The following CEP89 variants were observed in gnomAD, a reference collection of about 807,000 sequenced individuals.
CEP89 encodes the protein centrosomal protein of 89 kDa.
Under a neutral mutation model 97.6 loss-of-function variants are expected in CEP89, and 95 were observed. That is an observed-to-expected ratio of 0.97 (90% CI 0.82 to 1.15). The LOEUF is 1.15. CEP89 is among the 50% of genes most tolerant of loss of function. The pLI, the probability that CEP89 is intolerant of heterozygous loss-of-function variation, is 0.00. For synonymous variants in CEP89, 354 were observed against 349.1 expected (o/e 1.01, Z -0.16); for missense variants, 869 against 947.7 (o/e 0.92, Z 1.09).
intron 17 of CEP89, among the ~76,000 whole-genome samples, chr19:32,882,737 C>G (rs1969310210): frequency 6.6e-6 from 1 of 152,202 alleles, no homozygotes. Flanking sequence ...ATTGAAGAAT[C>G]CAACAAGGGC....
chr19:32,942,849 CTTTTT>C (rs757161677), intron 5 of CEP89, among the ~76,000 whole-genome samples: 5 of 136,364 alleles, frequency 3.7e-5, no homozygotes, highest in African/African-American at 5.4e-5. Flanking sequence ...CTATTCCAGT[CTTTTT>C]TTTTTTTTTT....
chr19:32,954,878 T>C (rs965700030), intron 3 of CEP89, among the ~76,000 whole-genome samples: 1 of 150,950 alleles, frequency 6.6e-6, no homozygotes, highest in Admixed American at 6.6e-5. Context: ...TTGGCCAGGA[T>C]GGTCTCAAAC....
intron 16 of CEP89, among the ~76,000 whole-genome samples, chr19:32,888,716 T>C (rs1255705581): frequency 3.3e-5 from 5 of 152,112 alleles, no homozygotes; most frequent in East Asian, 1.9e-4. Flanking sequence ...CCTAAGACTA[T>C]TGTGTCTCCC....
At chr19:32,889,271 G>C (rs73926181) in intron 16 of CEP89, among the ~76,000 whole-genome samples, 12,370 of 152,188 alleles carry the variant, frequency 0.081, 1,576 homozygotes, top group African/African-American at 0.27. Flanking sequence ...CCTGGCTACA[G>C]AGGACCAAGA....
At position 32,942,124 on chromosome 19, in the gene CEP89, G is replaced by A. The variant is rs528963215; in HGVS notation, c.596-2239C>T. Among the ~76,000 whole-genome samples the A allele has an allele frequency of 7.9e-5, 12 of 152,330 alleles. No homozygotes were observed. The East Asian group carries it at 2.3e-3, about 29-fold the overall frequency. ...TGGTCGGGCACACTGGCACATGCCT[G>A]TAACCCCAGCACTTTGGGAGGCCGA... On this transcript the variant is annotated intron_variant, in intron 5 of 18. Transcript: ENST00000305768.
intron 2 of CEP89, among the ~76,000 whole-genome samples, chr19:32,962,971 A>C (rs1971200292): frequency 6.6e-6 from 1 of 152,250 alleles, no homozygotes; most frequent in African/African-American, 2.4e-5. Context: ...ATAAATGGGC[A>C]AAAGATGTGA....
intron 14 of CEP89, among the ~76,000 whole-genome samples, chr19:32,914,935 T>C (rs7248602): frequency 0.63 from 95,802 of 151,590 alleles, 30,728 homozygotes; most frequent in African/African-American, 0.72. Flanking sequence ...GGCAGGAGAA[T>C]CACTTGAACC....
intron 16 of CEP89, among the ~76,000 whole-genome samples, chr19:32,889,937 G>A (rs552475631): frequency 1.4e-4 from 22 of 152,192 alleles, no homozygotes; most frequent in African/African-American, 5.1e-4. Flanking sequence ...GAGTGCCAGG[G>A]TTCAGCTGCC....
At chr19:32,959,792 G>C in intron 3 of CEP89, 108 bp downstream of exon 3, 1 of 1,223,410 alleles carries the variant, frequency 8.2e-7, no homozygotes, top group South Asian at 1.5e-5. Context: ...CACCCACACA[G>C]GTACACATGC....
At chr19:32,968,726 A>G (rs900465655) in intron 1 of CEP89, among the ~76,000 whole-genome samples, 37 of 152,112 alleles carry the variant, frequency 2.4e-4, no homozygotes, top group Admixed American at 1.5e-3. Flanking sequence ...CCTCATGGGC[A>G]GCACCACTCT....
chr19:32,886,750 A>G (rs1250221280), intron 17 of CEP89, among the ~76,000 whole-genome samples: 1 of 149,782 alleles, frequency 6.7e-6, no homozygotes, highest in African/African-American at 2.6e-5. Flanking sequence ...AGAAAAAAAG[A>G]AAGAAAGAGA....
chr19:32,937,488 G>T, intron 7 of CEP89, 143 bp downstream of exon 7: 2 of 715,974 alleles, frequency 2.8e-6, no homozygotes, highest in Non-Finnish European at 2.4e-6. Context: ...CCTAGTGTTT[G>T]GACCCTCTCT....
intron 4 of CEP89, among the ~76,000 whole-genome samples, chr19:32,951,528 T>TAC (rs1367738672): frequency 9.5e-5 from 9 of 94,244 alleles, no homozygotes; most frequent in East Asian, 6.9e-4. Flanking sequence ...TATATATATA[T>TAC]ATATATACAC....
Position 32,971,886 on chromosome 19 carries a change from G to C in CEP89, c.-12C>G, listed in dbSNP as rs774059616. 1.4e-5 allele frequency: 22 copies of C among 1,584,222 alleles called. No individual in the cohort carries two copies. The South Asian group carries it at 2.4e-4, about 17-fold the overall frequency. ...AATCCCAGGAGCATCCTTGCAGCGCGAGGAGAATGGACCGGGGCCTGGACT... is the reference window on the plus strand; with the variant it reads ...AATCCCAGGAGCATCCTTGCAGCGCCAGGAGAATGGACCGGGGCCTGGACT... On this transcript the variant is annotated 5_prime_UTR_variant, in exon 1 of 19. Transcript: ENST00000305768.
chr19:32,944,296 A>G (rs950329335), intron 5 of CEP89, among the ~76,000 whole-genome samples: 1 of 151,472 alleles, frequency 6.6e-6, no homozygotes, highest in Non-Finnish European at 1.5e-5. Flanking sequence ...ATGGCATAGA[A>G]GCTGCGAAAG....
At chr19:32,970,337 G>A (rs1210811387) in intron 1 of CEP89, 1 of 152,144 alleles carries the variant, frequency 6.6e-6, no homozygotes, top group Non-Finnish European at 1.5e-5. Context: ...CACACAGCAG[G>A]GACTCATTAA....
rs71176165 is a variant in CEP89, at chr19:32,903,184, G to GAA, written c.1566-1774_1566-1773dup. Among the ~76,000 whole-genome samples the GAA allele has an allele frequency of 5.3e-5, 8 of 149,554 alleles. No individual in the cohort carries two copies. The South Asian group carries it at 8.4e-4, about 16-fold the overall frequency. The stretch of plus-strand genomic sequence containing the variant: ...TAACAAGACCCTGTTTCTACAAAAA[G>GAA]AAAAAAAAAAAGAAAACAGAAAAGA... On this transcript the variant is annotated intron_variant, in intron 14 of 18. Transcript: ENST00000305768.
At position 32,936,353 on chromosome 19, in the gene CEP89, C is replaced by T. The variant is rs1970580789; in HGVS notation, c.667+1278G>A. ...AGACAAGGGGGTGCTGAGGATGGCT[C>T]TGCACTGGCCTGCAGTTGCCCCTTG... is the stretch of plus-strand genomic sequence containing the variant. On this transcript the variant is annotated intron_variant, in intron 7 of 18. Coordinates refer to ENST00000305768, the MANE Select transcript of CEP89 (RefSeq NM_032816.5). This position sits in a 1 kb window ranked among gnomAD's most constrained non-coding sequence, Gnocchi z 4.5. Among the ~76,000 whole-genome samples, 1 of 152,188 alleles carries T rather than the reference C, an allele frequency of 6.6e-6. No homozygotes were observed. Among genetic ancestry groups the T allele is most frequent in the African/African-American group, 2.4e-5 (1 of 41,462 alleles).
intron 14 of CEP89, among the ~76,000 whole-genome samples, chr19:32,908,809 G>C (rs1353104465): frequency 6.6e-6 from 1 of 152,210 alleles, no homozygotes; most frequent in Non-Finnish European, 1.5e-5. Flanking sequence ...TGTCTGGGGA[G>C]GAGTTTGGGA....
Sources: gnomAD v4.1 joint callset for allele counts (sites outside exome capture counted in the v4.1 genomes callset) on GRCh38, gnomAD v4.1.1 for gene constraint, Gnocchi (gnomAD v3.1) non-coding constraint, MANE v1.5 for transcripts, NCBI Gene and HGNC (gene_info 2026-07-23, HGNC 2026-07-21) for gene names.